TCF4: variants seen among roughly 807,000 people sequenced by gnomAD.
TCF4 encodes the protein transcription factor 4, also known as SL3-3 enhancer factor 2.
A neutral mutation model predicts 82.1 loss-of-function variants in TCF4; 3 were observed. The ratio of observed to expected loss-of-function variants is 0.04; its 90% confidence interval spans 0.02 to 0.09. TCF4 has a LOEUF of 0.09. Ranked by LOEUF, TCF4 falls within the 10% of genes least tolerant of loss-of-function variation. The probability of loss-of-function intolerance (pLI) is 1.00; values close to 1 mark genes in which losing one functional copy is unlikely to be tolerated. For missense variants in TCF4, 518 were observed against 852.7 expected (o/e 0.61, Z 4.89); for synonymous variants, 276 against 309.6 (o/e 0.89, Z 1.14).
Position 55,625,854 on chromosome 18 carries a change from G to A in TCF4, c.286+5444C>T, listed in dbSNP as rs898313511. Reference sequence around the variant, plus strand: ...TATATCCATCCAAATACGATTTCTCGTTCCACCTTCATAAGATGTGTTCTT... The same window carrying A: ...TATATCCATCCAAATACGATTTCTCATTCCACCTTCATAAGATGTGTTCTT... On this transcript the variant is annotated intron_variant, in intron 2 of 20. Coordinates refer to the TCF4 transcript ENST00000398339. Among the ~76,000 whole-genome samples, 17 of 151,980 alleles carry A rather than the reference G, an allele frequency of 1.1e-4. No individual in the cohort carries two copies. The South Asian group carries it at 1.3e-3, about 11-fold the overall frequency.
At chr18:55,305,668 G>A (rs561837555) in intron 8 of TCF4, among the ~76,000 whole-genome samples, 2 of 152,230 alleles carry the variant, frequency 1.3e-5, no homozygotes, top group South Asian at 4.1e-4. Flanking sequence ...CATGTAACTG[G>A]ATAAATGGAG....
At chr18:55,504,369 A>C (rs911836843) in intron 3 of TCF4, among the ~76,000 whole-genome samples, 1 of 152,258 alleles carries the variant, frequency 6.6e-6, no homozygotes, top group Admixed American at 6.5e-5. Flanking sequence ...AGTGCTAGTT[A>C]CCAGTAACTT....
chr18:55,422,545 T>A, intron 5 of TCF4: 1 of 843,998 alleles, frequency 1.2e-6, no homozygotes, highest in Non-Finnish European at 1.4e-6. Flanking sequence ...ACATGTTTCC[T>A]ATGATGGAAA....
At chr18:55,276,275 G>T (rs1282120928) in intron 9 of TCF4, among the ~76,000 whole-genome samples, 1 of 152,000 alleles carries the variant, frequency 6.6e-6, no homozygotes, top group African/African-American at 2.4e-5. Flanking sequence ...TTATATTACG[G>T]CATGCAGAGA....
At chr18:55,580,651 C>T (rs1432361895) in intron 3 of TCF4, among the ~76,000 whole-genome samples, 1 of 151,850 alleles carries the variant, frequency 6.6e-6, no homozygotes, top group Non-Finnish European at 1.5e-5. Flanking sequence ...TTTAAAAATG[C>T]TATCTACCCT....
At chr18:55,539,682 T>C (rs940511207) in intron 3 of TCF4, among the ~76,000 whole-genome samples, 2 of 151,972 alleles carry the variant, frequency 1.3e-5, no homozygotes, top group South Asian at 2.1e-4. Flanking sequence ...TCTTGACAAA[T>C]AGAGTAATTT....
chr18:55,403,939 A>C lies in TCF4; in HGVS notation c.305-421T>G, dbSNP rs2093961089. 4 of 1,358,356 alleles carry C rather than the reference A, an allele frequency of 2.9e-6. No homozygotes were observed. The Admixed American group carries it at 1.3e-4, about 44-fold the overall frequency. 84.1% of individuals were successfully genotyped at this position (1,358,356 alleles called of 1,614,324 possible). ...CTTAATAGTGAGGCCAAAACTAATC[A>C]ATCACAGGCTCTCCAGATGGTGAAT... On this transcript the variant is annotated intron_variant, in intron 5 of 19. Transcript: ENST00000354452.
intron 5 of TCF4, among the ~76,000 whole-genome samples, chr18:55,432,427 A>AC (rs1307582923): frequency 7.5e-6 from 1 of 133,626 alleles, no homozygotes; most frequent in African/African-American, 2.9e-5. Context: ...CCCACTGAAG[A>AC]CTTACTGTGC....
chr18:55,525,731 C>T (rs1188712153), intron 3 of TCF4, among the ~76,000 whole-genome samples: 1 of 152,100 alleles, frequency 6.6e-6, no homozygotes, highest in Non-Finnish European at 1.5e-5. Context: ...AAAACTTGCA[C>T]ATGTAGCAAA....
chr18:55,631,222 G>T, intron 2 of TCF4: 1 of 616,544 alleles, frequency 1.6e-6, no homozygotes, highest in Non-Finnish European at 2.8e-6. Context: ...GCTAATTTCT[G>T]TGTTTTTAGT....
chr18:55,484,840 T>G (rs547768087), intron 3 of TCF4, among the ~76,000 whole-genome samples: 2 of 152,376 alleles, frequency 1.3e-5, no homozygotes, highest in East Asian at 3.9e-4. Flanking sequence ...TTTTCTCTTC[T>G]TCCTTCTTAG....
At chr18:55,507,680 T>C (rs1264293137) in intron 3 of TCF4, among the ~76,000 whole-genome samples, 1 of 152,186 alleles carries the variant, frequency 6.6e-6, no homozygotes, top group African/African-American at 2.4e-5. Context: ...CCTTTGCACC[T>C]GAACAGCAAC....
intron 7 of TCF4, 77 bp from the exon 8 acceptor site, chr18:55,350,485 C>A (rs2082107785): frequency 7.1e-7 from 1 of 1,416,586 alleles, no homozygotes; most frequent in South Asian, 1.2e-5. Context: ...ACAAAGACTT[C>A]TAGATGATAC....
chr18:55,458,352 T>C (rs929956897), intron 5 of TCF4, among the ~76,000 whole-genome samples: 2 of 152,230 alleles, frequency 1.3e-5, no homozygotes, highest in South Asian at 2.1e-4. Context: ...CAAACACTTA[T>C]GCTAAAGTCT....
intron 2 of TCF4, among the ~76,000 whole-genome samples, chr18:55,621,545 TTA>T (rs2097719074): frequency 3.6e-4 from 2 of 5,532 alleles, no homozygotes. Context: ...ATATATTATA[TTA>T]TATATTATGT....
intron 2 of TCF4, among the ~76,000 whole-genome samples, chr18:55,594,379 G>T (rs937803183): frequency 6.6e-6 from 1 of 152,166 alleles, no homozygotes; most frequent in African/African-American, 2.4e-5. Context: ...TCATCAGACT[G>T]TAGACTCCAT....
At chr18:55,403,673 C>T (rs1188904859) in intron 5 of TCF4, 155 bp from the exon 6 acceptor site, 11 of 1,569,876 alleles carry the variant, frequency 7.0e-6, no homozygotes, top group Admixed American at 1.9e-5. Flanking sequence ...AATAACACTT[C>T]CTCACTCTGG....
intron 3 of TCF4, among the ~76,000 whole-genome samples, chr18:55,525,040 T>G (rs978937714): frequency 8.5e-5 from 13 of 152,168 alleles, no homozygotes; most frequent in African/African-American, 3.1e-4. Context: ...TGTGTATGCC[T>G]TTCTTCTAGC....
Position 55,254,530 on chromosome 18 carries a change from G to A in TCF4, c.1317C>T (p.Thr439=), listed in dbSNP as rs200112082. 2.7e-5 allele frequency: 43 copies of A among 1,613,616 alleles called. No individual in the cohort carries two copies. The highest frequency in any genetic ancestry group is 1.7e-4 in the Middle Eastern group (1 of 6,054). Residue 439 remains threonine, a synonymous_variant, in exon 15 of 20, where the codon ACC becomes ACT. Transcript: ENST00000354452. The stretch of plus-strand genomic sequence containing the variant: ...AATGTCTGTTGGCTGAAAGAAGGCC[G>A]GTTCCATACCCTGAGCCCAGACCAC... The part of the protein sequence containing the change: ...AMGGLGSGYG[T]GLLSANRHSL...
Sources: gnomAD v4.1 joint callset for allele counts (sites outside exome capture counted in the v4.1 genomes callset) on GRCh38, gnomAD v4.1.1 for gene constraint, MANE v1.5 for transcripts, NCBI Gene and HGNC (gene_info 2026-07-23, HGNC 2026-07-21) for gene names.